Variants in UGGT2 observed in about 807,000 individuals in gnomAD.
UGGT2 encodes the protein UDP-glucose:glycoprotein glucosyltransferase 2.
Under a neutral mutation model 192.1 loss-of-function variants are expected in UGGT2, and 180 were observed. The ratio of observed to expected loss-of-function variants is 0.94; its 90% CI spans 0.83 to 1.06. The LOEUF is 1.06. Ranked by LOEUF, UGGT2 falls within the 50% of genes least tolerant of loss-of-function variation. UGGT2 has a pLI of 0.00. For synonymous variants in UGGT2, 580 were observed against 591.0 expected (o/e 0.98, Z 0.27); for missense variants, 1,849 against 1,795.7 (o/e 1.03, Z -0.54).
At chr13:95,886,625 A>T (rs1034718276) in intron 26 of UGGT2, among the ~76,000 whole-genome samples, 10 of 152,264 alleles carry the variant, frequency 6.6e-5, no homozygotes, top group African/African-American at 2.4e-4. Flanking sequence ...TGAGAAGCAT[A>T]AAAACTCAAT....
intron 17 of UGGT2, among the ~76,000 whole-genome samples, chr13:95,934,019 A>G (rs543863683): frequency 1.3e-5 from 2 of 152,340 alleles, no homozygotes; most frequent in Non-Finnish European, 2.9e-5. Flanking sequence ...GGTTAGCACT[A>G]TAACTCTGAA....
rs1252254741 is a variant in UGGT2 at position 96,031,990 on chromosome 13, T to C, written c.159-19A>G. ...AAATTCACTATTAAAAAAATAGAAG[T>C]AATCGGTTAGTAGATGGAATTTAAA... is the stretch of plus-strand genomic sequence containing the variant. On this transcript the variant is annotated intron_variant, in intron 1 of 38. Coordinates refer to ENST00000376747, the MANE Select transcript of UGGT2 (RefSeq NM_020121.4). 6.4e-7 allele frequency: 1 copy of C among 1,565,746 alleles called. No homozygotes were observed. The highest frequency in any genetic ancestry group is 8.8e-7 in the Non-Finnish European group (1 of 1,139,106).
At chr13:95,983,019 AC>A (rs986354367) in intron 10 of UGGT2, among the ~76,000 whole-genome samples, 4 of 152,178 alleles carry the variant, frequency 2.6e-5, no homozygotes, top group African/African-American at 9.7e-5. Context: ...CTAAGTTAGC[AC>A]CATACCCAGG....
chr13:95,893,698 T>C (rs2047867740), intron 24 of UGGT2, among the ~76,000 whole-genome samples: 1 of 152,214 alleles, frequency 6.6e-6, no homozygotes, highest in Non-Finnish European at 1.5e-5. Context: ...TAGAGAAAAT[T>C]ACTAAAGGTG....
chr13:95,999,130 C>T (rs2051716970), intron 6 of UGGT2, 81 bp downstream of exon 6: 7 of 1,013,156 alleles, frequency 6.9e-6, no homozygotes, highest in Admixed American at 1.9e-5. Context: ...TAGGATTATA[C>T]TCATTAAATT....
intron 12 of UGGT2, among the ~76,000 whole-genome samples, chr13:95,962,176 T>C (rs78311581): frequency 0.021 from 3,171 of 150,944 alleles, 106 homozygotes; most frequent in African/African-American, 0.073. Flanking sequence ...CTCAAGGAAA[T>C]AGAAAAGCAA....
intron 20 of UGGT2, among the ~76,000 whole-genome samples, chr13:95,918,855 T>C (rs140244462): frequency 1.3e-5 from 2 of 152,256 alleles, no homozygotes; most frequent in African/African-American, 4.8e-5. Flanking sequence ...GAGGGATTCC[T>C]CCCTTACTCA....
At chr13:95,953,789 C>A (rs765792071) in intron 12 of UGGT2, among the ~76,000 whole-genome samples, 1 of 151,874 alleles carries the variant, frequency 6.6e-6, no homozygotes, top group Non-Finnish European at 1.5e-5. Context: ...TCAAGATGAT[C>A]TATGAGACAC....
At chr13:95,867,486 A>T (rs1566611609) in intron 29 of UGGT2, 63 bp from the exon 30 acceptor site, 1 of 1,330,342 alleles carries the variant, frequency 7.5e-7, no homozygotes, top group Non-Finnish European at 1.1e-6. Flanking sequence ...TGATGGCATA[A>T]CAGAATAAAC....
intron 38 of UGGT2, among the ~76,000 whole-genome samples, chr13:95,829,025 C>T (rs1207323695): frequency 6.6e-6 from 1 of 152,156 alleles, no homozygotes; most frequent in African/African-American, 2.4e-5. Flanking sequence ...ATACACAAAT[C>T]AATAAACGTA....
In UGGT2 at chr13:95,848,635, T is replaced by C. The variant is rs371380666; in HGVS notation, c.4284+4908A>G. Among the ~76,000 whole-genome samples the C allele has an allele frequency of 3.3e-5, 5 of 152,364 alleles. No individual in the cohort carries two copies. In the East Asian group the frequency reaches 7.7e-4, roughly 23 times the overall value. ...TCTGGGCTCTCTATTGTTCCATTGA[T>C]CTATTTTTCTATTCTTTTGCCAACA... On this transcript the variant is annotated intron_variant, in intron 36 of 38. Transcript: ENST00000376747.
intron 1 of UGGT2, among the ~76,000 whole-genome samples, chr13:96,041,239 G>A (rs897294686): frequency 2.0e-5 from 3 of 152,158 alleles, no homozygotes; most frequent in Admixed American, 6.5e-5. Flanking sequence ...TGGGGAACCC[G>A]AAGGTGTATA....
Position 95,887,992 on chromosome 13 carries a change from T to C in UGGT2, c.2959-21A>G. On this transcript the variant is annotated intron_variant, in intron 25 of 38. Coordinates refer to ENST00000376747, the MANE Select transcript of UGGT2 (RefSeq NM_020121.4). ...AGTACCTATTGGAAAGAAATTCCCATGTTTGATATTAAATAATATTAATAG... is the reference window on the plus strand; with the variant it reads ...AGTACCTATTGGAAAGAAATTCCCACGTTTGATATTAAATAATATTAATAG... The C allele has an allele frequency of 4.0e-6, 6 of 1,496,258 alleles. No individual in the cohort carries two copies. The East Asian group carries it at 6.8e-5, about 17-fold the overall frequency. The allele number at this position is 1,496,258 out of a possible 1,614,324, so 92.7% of individuals were successfully genotyped here.
intron 5 of UGGT2, 104 bp from the exon 6 acceptor site, chr13:95,999,411 T>C (rs2051727257): frequency 2.0e-6 from 2 of 1,022,026 alleles, no homozygotes; most frequent in Admixed American, 2.0e-5. Flanking sequence ...AAATTACTAA[T>C]ATTGAAGGTT....
At position 95,999,251 on chromosome 13, in the gene UGGT2, C is replaced by G; in HGVS notation, c.717G>C (p.Lys239Asn). The G allele has an allele frequency of 6.2e-7, 1 of 1,613,656 alleles. No individual in the cohort carries two copies. The highest frequency in any genetic ancestry group is 8.5e-7 in the Non-Finnish European group (1 of 1,179,738). Reference protein sequence around the residue: ...LSGYGVELAIKSTEYKALDDT... With the variant: ...LSGYGVELAINSTEYKALDDT... Reference sequence around the variant, plus strand: ...CATCCAGTGCTTTGTATTCTGTACTCTTAATTGCTAGCTCCACACCATACC... The same window carrying G: ...CATCCAGTGCTTTGTATTCTGTACTGTTAATTGCTAGCTCCACACCATACC... Residue 239 changes from lysine (K) to asparagine (N), a missense_variant, in exon 6 of 39, where the codon AAG (lysine) becomes AAC (asparagine). Physicochemically the swap from Lys to Asn is moderately conservative, Grantham distance 94. Transcript: ENST00000376747.
At chr13:95,900,024 T>C (rs562533551) in intron 22 of UGGT2, among the ~76,000 whole-genome samples, 1 of 152,282 alleles carries the variant, frequency 6.6e-6, no homozygotes, top group South Asian at 2.1e-4. Context: ...GATTTCTTAA[T>C]AAACCTAAGC....
chr13:95,809,245 A>T, intron 38 of UGGT2: 1 of 569,948 alleles, frequency 1.8e-6, no homozygotes, highest in Admixed American at 2.2e-5. Context: ...TGATAAAAAT[A>T]TTCCTCTGAA....
intron 36 of UGGT2, among the ~76,000 whole-genome samples, chr13:95,843,670 G>T (rs530867853): frequency 2.7e-5 from 4 of 150,358 alleles, no homozygotes; most frequent in South Asian, 4.2e-4. Context: ...GGTTTTTGGG[G>T]TTTTTTTTTG....
At position 95,972,570 on chromosome 13, in the gene UGGT2, TAATA is replaced by T; in HGVS notation, c.1184+6_1184+9del. On this transcript the variant is annotated splice_donor_region_variant and intron_variant, in intron 11 of 38. Transcript: ENST00000376747. Reference sequence around the variant, plus strand: ...CCATAGTTCATTTACAGCAATAATTTAATACTTACCTAAAAGCGTCATAAACATC... The same window carrying T: ...CCATAGTTCATTTACAGCAATAATTTCTTACCTAAAAGCGTCATAAACATC... The T allele has an allele frequency of 1.3e-6, 2 of 1,597,032 alleles. No homozygotes were observed. Among genetic ancestry groups the T allele is most frequent in the South Asian group, 1.1e-5 (1 of 90,014 alleles).
Sources: allele counts gnomAD v4.1 joint callset (sites outside exome capture counted in the v4.1 genomes callset), GRCh38; gene constraint gnomAD v4.1.1; transcripts MANE v1.5; gene names NCBI Gene and HGNC (gene_info 2026-07-23, HGNC 2026-07-21).